RUFY2: variants seen among roughly 807,000 people sequenced by gnomAD.
RUFY2 encodes RUN and FYVE domain containing 2.
Under a neutral mutation model 94.4 loss-of-function variants are expected in RUFY2, and 49 were observed. The ratio of observed to expected loss-of-function variants is 0.52; its 90% CI spans 0.41 to 0.66. RUFY2 has a LOEUF of 0.66. Among genes scored for constraint, RUFY2 ranks in the 30% least tolerant of loss-of-function variants. RUFY2 has a pLI of 0.00. For synonymous variants in RUFY2, 255 were observed against 235.7 expected (o/e 1.08, Z -0.75); for missense variants, 541 against 692.8 (o/e 0.78, Z 2.46).
chr10:68,396,799 T>C lies in RUFY2; in HGVS notation c.379A>G (p.Ile127Val), dbSNP rs201556684. The part of the protein sequence containing the change: ...KMADYLRCLI[I>V]QRDLLSEFYE... ...ACTAACCTCAAGAGATCCCTCTGAA[T>C]AATTAAGCAACGTAAGTAATCGGCC... Residue 127 changes from isoleucine to valine, a missense_variant, in exon 4 of 18, where the codon ATT (isoleucine) becomes GTT (valine). Ile to Val is a conservative substitution (Grantham distance 29). Around this residue, in one of 3 missense-constraint regions of RUFY2, gnomAD observed 85 missense variants for 153.4 expected, o/e 0.55. Transcript: ENST00000602465. 1.8e-3 allele frequency: 2,934 copies of C among 1,612,940 alleles called. 10 individuals carry two copies. The highest frequency in any genetic ancestry group is 2.3e-3 in the Non-Finnish European group (2,754 of 1,178,922).
At chr10:68,371,237 T>C (rs2048256177) in intron 13 of RUFY2, among the ~76,000 whole-genome samples, 1 of 150,772 alleles carries the variant, frequency 6.6e-6, no homozygotes, top group South Asian at 2.1e-4. Context: ...CTGGCTAAGA[T>C]GGTGAAACCC....
chr10:68,378,901 T>C (rs2048840056), intron 12 of RUFY2, among the ~76,000 whole-genome samples: 1 of 152,124 alleles, frequency 6.6e-6, no homozygotes, highest in South Asian at 2.1e-4. Context: ...TGGAAATACA[T>C]TACATTTTCC....
At chr10:68,341,196 T>G, downstream of RUFY2, 1 of 1,584,270 alleles carries the variant, frequency 6.3e-7, no homozygotes, top group Non-Finnish European at 8.5e-7. Flanking sequence ...CTAAATCCAA[T>G]ACGAGTTCAT....
In RUFY2 at chr10:68,384,588, G is replaced by A. The variant is rs114509117; in HGVS notation, c.721-436C>T. Among the ~76,000 whole-genome samples the A allele has an allele frequency of 8.1e-3, 1,232 of 152,258 alleles. 27 individuals carry two copies. The highest frequency in any genetic ancestry group is 0.028 in the African/African-American group (1,158 of 41,546). Reference sequence around the variant, plus strand: ...GTGCTATCATTGAAAATGTAATACAGACATTTGTGGTAACTGAGTTGGACA... The same window carrying A: ...GTGCTATCATTGAAAATGTAATACAAACATTTGTGGTAACTGAGTTGGACA... On this transcript the variant is annotated intron_variant, in intron 8 of 17. Transcript: ENST00000602465.
intron 16 of RUFY2, among the ~76,000 whole-genome samples, chr10:68,353,369 G>T (rs866448918): frequency 5.3e-5 from 8 of 150,542 alleles, no homozygotes; most frequent in Middle Eastern, 3.2e-3. Context: ...GTGGGGGCAG[G>T]TGCCTGTAAT....
Position 68,345,261 on chromosome 10 carries a change from T to C in RUFY2, c.*507A>G, listed in dbSNP as rs1479032181. On this transcript the variant is annotated 3_prime_UTR_variant, in exon 18 of 18. Coordinates refer to ENST00000602465, the MANE Select transcript of RUFY2 (RefSeq NM_001330103.2). ...AGGACAAAATATTGGCCCTGTCTAA[T>C]GCAAGAGGCAAAGGGAGAGGGGGAG... 1.0e-5 allele frequency: 2 copies of C among 193,344 alleles called. No individual in the cohort carries two copies. Among genetic ancestry groups the C allele is most frequent in the Non-Finnish European group, 2.1e-5 (2 of 95,760 alleles). 12.0% of individuals were successfully genotyped at this position (193,344 alleles called of 1,614,324 possible). A position where few individuals can be genotyped will look rare whatever the true frequency, so the allele number is the denominator to read the frequency against.
chr10:68,341,335 C>A, downstream of RUFY2: 1 of 1,583,988 alleles, frequency 6.3e-7, no homozygotes, highest in Non-Finnish European at 8.5e-7. Context: ...GGCACACAAT[C>A]TTATTTCCTA....
At chr10:68,401,762 C>T (rs924679472) in intron 2 of RUFY2, 25 bp from the exon 3 acceptor site, 30 of 1,324,620 alleles carry the variant, frequency 2.3e-5, no homozygotes, top group Non-Finnish European at 3.1e-5. Flanking sequence ...ACATAATGCA[C>T]ACAATGTCAA....
chr10:68,406,719 C>A, intron 1 of RUFY2: 3 of 1,574,406 alleles, frequency 1.9e-6, no homozygotes, highest in Non-Finnish European at 2.6e-6. Flanking sequence ...GCCCAGAGGC[C>A]TGGGGGCCCC....
chr10:68,376,949 T>G lies in RUFY2; in HGVS notation c.1229A>C (p.Gln410Pro). ...CTCATCCTCATCTTCAGCTTCCATT[T>G]GCGCCTTCTCTGCTTGCTGCAATCT... ...EQRLQQAEKA[Q>P]MEAEDEDEKY... Residue 410 changes from glutamine to proline, a missense_variant, in exon 13 of 18, where the codon CAA (glutamine) becomes CCA (proline). Gln to Pro is a moderately conservative substitution (Grantham distance 76). This residue lies in a region of RUFY2 where 403 missense variants were observed against 480.7 expected (regional missense o/e 0.84). Coordinates refer to ENST00000602465, the MANE Select transcript of RUFY2 (RefSeq NM_001330103.2). 6.2e-7 allele frequency: 1 copy of G among 1,613,718 alleles called. No homozygotes were observed. Among genetic ancestry groups the G allele is most frequent in the South Asian group, 1.1e-5 (1 of 91,074 alleles).
intron 1 of RUFY2, among the ~76,000 whole-genome samples, chr10:68,406,510 G>A (rs550931222): frequency 2.0e-5 from 3 of 152,302 alleles, no homozygotes; most frequent in Admixed American, 2.0e-4. Flanking sequence ...GATCGGTGCT[G>A]GGCACCGGCA....
At position 68,394,466 on chromosome 10, in the gene RUFY2, A is replaced by C; in HGVS notation, c.399-15T>G. 3.2e-6 allele frequency: 5 copies of C among 1,583,814 alleles called. No homozygotes were observed. The highest frequency in any genetic ancestry group is 4.3e-6 in the Non-Finnish European group (5 of 1,153,482). On this transcript the variant is annotated splice_polypyrimidine_tract_variant and intron_variant, in intron 4 of 17. Transcript: ENST00000602465. ...CATAAAACTCACTGTGAAAATTTAA[A>C]AAATAAGGACTTTAAATCACAAATT...
chr10:68,372,557 G>A (rs980075441), intron 13 of RUFY2, among the ~76,000 whole-genome samples: 2 of 141,788 alleles, frequency 1.4e-5, no homozygotes, highest in Non-Finnish European at 3.0e-5. Context: ...TCCAGCCTCA[G>A]TGACAGAGTG....
In RUFY2 at chr10:68,405,779, G is replaced by GA. The variant is rs1021039476; in HGVS notation, c.5-936dup. ...TGCATGACTGTTTTATTTTCAAAGAGAAAATAAAAGCAGAGACCAGTTTTA... is the reference window on the plus strand; with the variant it reads ...TGCATGACTGTTTTATTTTCAAAGAGAAAAATAAAAGCAGAGACCAGTTTTA... On this transcript the variant is annotated intron_variant, in intron 1 of 17. Coordinates refer to ENST00000602465, the MANE Select transcript of RUFY2 (RefSeq NM_001330103.2). 7.9e-6 allele frequency: 7 copies of GA among 888,536 alleles called. No homozygotes were observed. In the African/African-American group the frequency reaches 1.1e-4, roughly 14 times the overall value. The allele number at this position is 888,536 out of a possible 1,614,324, so 55.0% of individuals were successfully genotyped here. A position where few individuals can be genotyped will look rare whatever the true frequency, so the allele number is the denominator to read the frequency against.
At chr10:68,348,767 C>G (rs1282652948) in intron 16 of RUFY2, among the ~76,000 whole-genome samples, 5 of 152,038 alleles carry the variant, frequency 3.3e-5, no homozygotes, top group African/African-American at 1.2e-4. Flanking sequence ...CTAGTGTGTC[C>G]CTGTGAAGGG....
At chr10:68,403,793 C>CTT (rs34271308) in intron 2 of RUFY2, among the ~76,000 whole-genome samples, 15 of 140,220 alleles carry the variant, frequency 1.1e-4, no homozygotes, top group Non-Finnish European at 9.4e-5. Context: ...ATCTTTGAAT[C>CTT]TTTTTTTTTT....
chr10:68,358,232 T>C (rs2047191704), intron 15 of RUFY2, among the ~76,000 whole-genome samples: 1 of 152,102 alleles, frequency 6.6e-6, no homozygotes, highest in Admixed American at 6.6e-5. Flanking sequence ...AAAATTGGAA[T>C]GACTAAAACA....
intron 1 of RUFY2, chr10:68,406,637 A>G (rs902255289): frequency 1.0e-6 from 1 of 989,218 alleles, no homozygotes; most frequent in Non-Finnish European, 1.4e-6. Context: ...TACCAGGGCC[A>G]GTGCCCGCAC....
At chr10:68,342,039 G>C, downstream of RUFY2, 1 of 1,613,676 alleles carries the variant, frequency 6.2e-7, no homozygotes, top group Non-Finnish European at 8.5e-7. Context: ...GAGGTGGATG[G>C]CGTGGGATGT....
Sources: gnomAD v4.1 joint callset for allele counts (sites outside exome capture counted in the v4.1 genomes callset) on GRCh38, gnomAD v4.1.1 for gene constraint, gnomAD v4.1.1 regional missense constraint, MANE v1.5 for transcripts, NCBI Gene and HGNC (gene_info 2026-07-23, HGNC 2026-07-21) for gene names.